CTNND2: variants seen among roughly 807,000 people sequenced by gnomAD.
CTNND2 encodes the protein catenin delta-2.
Under a neutral mutation model 144.4 loss-of-function variants are expected in CTNND2, and 22 were observed. That is an observed-to-expected ratio of 0.15 (90% CI 0.11 to 0.22). The LOEUF is 0.22. Ranked by LOEUF, CTNND2 falls within the 10% of genes least tolerant of loss-of-function variation. The probability of loss-of-function intolerance (pLI) is 1.00; values close to 1 mark genes in which losing one functional copy is unlikely to be tolerated. For missense variants in CTNND2, 1,353 were observed against 1,618.8 expected (o/e 0.84, Z 2.82); for synonymous variants, 751 against 695.6 (o/e 1.08, Z -1.25).
rs143520680 is a variant in CTNND2 at position 11,795,456 on chromosome 5, T to C, written c.38-63184A>G. Among the ~76,000 whole-genome samples, 57 of 152,310 alleles carry C rather than the reference T, an allele frequency of 3.7e-4. 1 individual carries two copies. In the East Asian group the frequency reaches 0.011, roughly 29 times the overall value. Reference sequence around the variant, plus strand: ...CTTTAGGGGACTGCCATCATGAAGTTCATTTTAGGATCCCAGTCTGTGACT... The same window carrying C: ...CTTTAGGGGACTGCCATCATGAAGTCCATTTTAGGATCCCAGTCTGTGACT... On this transcript the variant is annotated intron_variant, in intron 1 of 21. Coordinates refer to ENST00000304623, the MANE Select transcript of CTNND2 (RefSeq NM_001332.4).
Position 11,838,486 on chromosome 5 carries a change from T to G in CTNND2, c.37+65331A>C, listed in dbSNP as rs878957625. Among the ~76,000 whole-genome samples the G allele has an allele frequency of 2.0e-5, 3 of 152,140 alleles. No homozygotes were observed. The South Asian group carries it at 6.2e-4, about 31-fold the overall frequency. The stretch of plus-strand genomic sequence containing the variant: ...TGAATCCCAGCCTTTTTATGACTTA[T>G]TAGCTCTCCAAGTAAGGACAGGGAT... On this transcript the variant is annotated intron_variant, in intron 1 of 21. Coordinates refer to ENST00000304623, the MANE Select transcript of CTNND2 (RefSeq NM_001332.4).
At position 10,973,722 on chromosome 5, in the gene CTNND2, G is replaced by A; in HGVS notation, c.3418-9C>T. 1 of 1,582,670 alleles carries A rather than the reference G, an allele frequency of 6.3e-7. No individual in the cohort carries two copies. The highest frequency in any genetic ancestry group is 8.6e-7 in the Non-Finnish European group (1 of 1,164,546). ...ACTGGCTGTGCTGAAACCTAAACGGGAAAGAAGAGCCACACTGGGTTACTT... is the reference window on the plus strand; with the variant it reads ...ACTGGCTGTGCTGAAACCTAAACGGAAAAGAAGAGCCACACTGGGTTACTT... On this transcript the variant is annotated splice_polypyrimidine_tract_variant and intron_variant, in intron 21 of 21. Transcript: ENST00000304623. The surrounding 1 kb of genome is among the most constrained non-coding windows in gnomAD (Gnocchi z 5.6).
At chr5:11,738,235 C>T (rs1257689902) in intron 1 of CTNND2, among the ~76,000 whole-genome samples, 1 of 152,164 alleles carries the variant, frequency 6.6e-6, no homozygotes, top group Non-Finnish European at 1.5e-5. Flanking sequence ...TGAAATAAGC[C>T]TACAGAATAA....
intron 3 of CTNND2, among the ~76,000 whole-genome samples, chr5:11,551,125 T>C (rs1775721999): frequency 6.6e-6 from 1 of 152,104 alleles, no homozygotes; most frequent in Non-Finnish European, 1.5e-5. Context: ...ACGTGCAAAG[T>C]CTCTAGCTGG....
chr5:11,889,253 T>A (rs1347548114), intron 1 of CTNND2, among the ~76,000 whole-genome samples: 1 of 152,190 alleles, frequency 6.6e-6, no homozygotes, highest in African/African-American at 2.4e-5. Flanking sequence ...TGAGATTATC[T>A]ACACCCAGAC....
intron 2 of CTNND2, among the ~76,000 whole-genome samples, chr5:11,587,799 A>G (rs1778972585): frequency 6.6e-6 from 1 of 152,170 alleles, no homozygotes; most frequent in Admixed American, 6.5e-5. Flanking sequence ...TCACAATTCT[A>G]CAAGGTACAG....
intron 2 of CTNND2, among the ~76,000 whole-genome samples, chr5:11,680,122 T>C (rs1292866292): frequency 1.3e-5 from 2 of 152,048 alleles, no homozygotes; most frequent in Non-Finnish European, 2.9e-5. Context: ...TGGGGCATTT[T>C]AAGGAAAAAC....
intron 12 of CTNND2, among the ~76,000 whole-genome samples, chr5:11,134,394 CCAAA>C (rs1441957824): frequency 6.6e-6 from 1 of 152,194 alleles, no homozygotes; most frequent in African/African-American, 2.4e-5. Flanking sequence ...TCGAGAGGCT[CCAAA>C]CAGAGAAACC....
At chr5:11,318,211 T>C (rs917437413) in intron 9 of CTNND2, among the ~76,000 whole-genome samples, 1 of 152,148 alleles carries the variant, frequency 6.6e-6, no homozygotes, top group Admixed American at 6.5e-5. Context: ...TCCCTCATTC[T>C]CTGGCTCTCC....
At chr5:11,524,842 T>A (rs1773079748) in intron 3 of CTNND2, among the ~76,000 whole-genome samples, 1 of 152,122 alleles carries the variant, frequency 6.6e-6, no homozygotes, top group Non-Finnish European at 1.5e-5. Flanking sequence ...TTGTTTCTCA[T>A]CATGCAAAGG....
intron 3 of CTNND2, among the ~76,000 whole-genome samples, chr5:11,499,901 C>G (rs998700050): frequency 6.6e-6 from 1 of 152,064 alleles, no homozygotes; most frequent in East Asian, 1.9e-4. Flanking sequence ...TCTGGGTTTG[C>G]CAATTACTTC....
intron 2 of CTNND2, among the ~76,000 whole-genome samples, chr5:11,601,741 A>C (rs545009488): frequency 6.6e-6 from 1 of 152,300 alleles, no homozygotes; most frequent in Admixed American, 6.5e-5. Context: ...AAAATCTAAA[A>C]CCAAAGAGAG....
At chr5:11,779,251 TCACA>T (rs1790416525) in intron 1 of CTNND2, among the ~76,000 whole-genome samples, 1 of 152,232 alleles carries the variant, frequency 6.6e-6, no homozygotes, top group African/African-American at 2.4e-5. Flanking sequence ...TAATGTTTTC[TCACA>T]CACCCTAATT....
At chr5:11,246,952 C>T (rs1422427193) in intron 9 of CTNND2, among the ~76,000 whole-genome samples, 1 of 152,240 alleles carries the variant, frequency 6.6e-6, no homozygotes, top group South Asian at 2.1e-4. Flanking sequence ...CCTGATGTGT[C>T]CGACATCGCA....
intron 18 of CTNND2, among the ~76,000 whole-genome samples, 158 bp from the exon 19 acceptor site, chr5:10,992,835 CA>C (rs960161504): frequency 6.6e-6 from 1 of 152,090 alleles, no homozygotes; most frequent in African/African-American, 2.4e-5. Flanking sequence ...TGAACAGAGC[CA>C]AATGTGAATG....
chr5:11,101,887 ATGTGTGTGTGTGTGTG>A (rs201704440), intron 14 of CTNND2, among the ~76,000 whole-genome samples: 69 of 145,286 alleles, frequency 4.7e-4, no homozygotes, highest in African/African-American at 1.8e-3. Context: ...ACGACCACAT[ATGTGTGTGTGTGTGTG>A]TGTGTGTGTG....
chr5:11,325,096 G>C (rs1752405134), intron 9 of CTNND2, among the ~76,000 whole-genome samples: 1 of 152,064 alleles, frequency 6.6e-6, no homozygotes, highest in Non-Finnish European at 1.5e-5. Flanking sequence ...CTGGTTCAAA[G>C]GTCAAGCCTA....
intron 1 of CTNND2, among the ~76,000 whole-genome samples, chr5:11,813,012 T>C (rs183486265): frequency 6.6e-6 from 1 of 152,286 alleles, no homozygotes; most frequent in East Asian, 1.9e-4. Context: ...TAATCGGGTG[T>C]GTTTTAGAAT....
chr5:11,888,341 G>T (rs1391460289), intron 1 of CTNND2, among the ~76,000 whole-genome samples: 1 of 152,156 alleles, frequency 6.6e-6, no homozygotes, highest in Non-Finnish European at 1.5e-5. Flanking sequence ...TTTCCCTGTG[G>T]CAGAGAGTGA....
Sources: gnomAD v4.1 joint callset for allele counts (sites outside exome capture counted in the v4.1 genomes callset) on GRCh38, gnomAD v4.1.1 for gene constraint, Gnocchi (gnomAD v3.1) non-coding constraint, MANE v1.5 for transcripts, NCBI Gene and HGNC (gene_info 2026-07-23, HGNC 2026-07-21) for gene names.